Variants in CAMKMT observed in about 807,000 individuals in gnomAD.
The protein encoded by CAMKMT is calmodulin-lysine N-methyltransferase.
A neutral mutation model predicts 48.0 loss-of-function variants in CAMKMT; 53 were observed. That is an observed-to-expected ratio of 1.10 (90% CI 0.89 to 1.39). The LOEUF is 1.39. CAMKMT is among the 40% of genes most tolerant of loss of function. The pLI is 0.00. For synonymous variants in CAMKMT, 165 were observed against 152.3 expected, an observed-to-expected ratio of 1.08 and a Z score of -0.61; for missense variants, 428 against 402.7, an observed-to-expected ratio of 1.06 and a Z score of -0.54.
intron 3 of CAMKMT, among the ~76,000 whole-genome samples, chr2:44,480,996 AT>A (rs1668939480): frequency 6.6e-6 from 1 of 151,884 alleles, no homozygotes; most frequent in African/African-American, 2.4e-5. Context: ...TCTATCATCC[AT>A]ATTATGTGTG....
At chr2:44,706,409 C>T in intron 5 of CAMKMT, 68 bp downstream of exon 5, 1 of 1,495,416 alleles carries the variant, frequency 6.7e-7, no homozygotes, top group Non-Finnish European at 9.3e-7. Flanking sequence ...CCAGGGCCTC[C>T]AACTGCTGGG....
intron 3 of CAMKMT, among the ~76,000 whole-genome samples, chr2:44,507,404 G>A (rs954484129): frequency 2.2e-4 from 33 of 152,172 alleles, no homozygotes; most frequent in African/African-American, 7.7e-4. Context: ...TGTGCATCAT[G>A]GAACACATCA....
At chr2:44,568,315 C>T (rs1188148793) in intron 3 of CAMKMT, among the ~76,000 whole-genome samples, 1 of 152,174 alleles carries the variant, frequency 6.6e-6, no homozygotes, top group Non-Finnish European at 1.5e-5. Context: ...TGTGTTGTGT[C>T]TTTTGCCTTA....
At chr2:44,622,115 G>C (rs1438549346) in intron 3 of CAMKMT, among the ~76,000 whole-genome samples, 2 of 152,150 alleles carry the variant, frequency 1.3e-5, no homozygotes, top group East Asian at 3.9e-4. Context: ...CAATCTCCAG[G>C]CACCCAAAGG....
At chr2:44,412,702 C>G (rs909698867) in intron 3 of CAMKMT, among the ~76,000 whole-genome samples, 17 of 152,020 alleles carry the variant, frequency 1.1e-4, no homozygotes, top group Middle Eastern at 3.2e-3. Context: ...TATTTTGACA[C>G]TGAATAAGTA....
Position 44,361,969 on chromosome 2 carries a change from G to C in CAMKMT, c.-39G>C, listed in dbSNP as rs1250263540. 1 of 1,362,962 alleles carries C rather than the reference G, an allele frequency of 7.3e-7. No individual in the cohort carries two copies. The highest frequency in any genetic ancestry group is 9.4e-7 in the Non-Finnish European group (1 of 1,062,408). 84.4% of individuals were successfully genotyped at this position (1,362,962 alleles called of 1,614,324 possible). ...GGCAGGTCCTGGCAGGGGACGAGCT[G>C]CGGCGGTGGCACCTCCGGGTGTGGA... On this transcript the variant is annotated 5_prime_UTR_variant, in exon 1 of 11. Coordinates refer to ENST00000378494, the MANE Select transcript of CAMKMT (RefSeq NM_024766.5).
intron 2 of CAMKMT, among the ~76,000 whole-genome samples, chr2:44,389,282 A>C (rs1428748157): frequency 6.6e-6 from 1 of 152,022 alleles, no homozygotes; most frequent in Non-Finnish European, 1.5e-5. Context: ...CCCTATTTTA[A>C]CTAAATTACC....
At chr2:44,573,209 G>T (rs558295137) in intron 3 of CAMKMT, among the ~76,000 whole-genome samples, 3 of 152,118 alleles carry the variant, frequency 2.0e-5, no homozygotes, top group Non-Finnish European at 4.4e-5. Context: ...CTTTTCATGT[G>T]CTGTTTGGCC....
intron 7 of CAMKMT, among the ~76,000 whole-genome samples, chr2:44,733,691 A>G (rs949999410): frequency 6.6e-6 from 1 of 152,080 alleles, no homozygotes; most frequent in African/African-American, 2.4e-5. Context: ...CTTTATTGAG[A>G]TGATCATATG....
intron 3 of CAMKMT, among the ~76,000 whole-genome samples, chr2:44,680,864 A>G (rs978205991): frequency 6.6e-6 from 1 of 152,188 alleles, no homozygotes; most frequent in African/African-American, 2.4e-5. Flanking sequence ...GGTAAAAAGT[A>G]TGCGCCACTA....
At chr2:44,557,709 T>A (rs1427879805) in intron 3 of CAMKMT, among the ~76,000 whole-genome samples, 1 of 152,232 alleles carries the variant, frequency 6.6e-6, no homozygotes, top group East Asian at 1.9e-4. Context: ...TATTTCTGAG[T>A]CCTTGTCCAT....
chr2:44,481,350 G>A (rs1668954989), intron 3 of CAMKMT, among the ~76,000 whole-genome samples: 1 of 151,572 alleles, frequency 6.6e-6, no homozygotes, highest in Admixed American at 6.6e-5. Context: ...TTTTGTCCTT[G>A]CTGTTGTTTT....
intron 3 of CAMKMT, among the ~76,000 whole-genome samples, chr2:44,680,518 T>A (rs13423477): frequency 1.6e-4 from 24 of 152,088 alleles, no homozygotes; most frequent in African/African-American, 4.8e-4. Context: ...GCCGGCCAGC[T>A]CAGCCTGGGT....
At chr2:44,550,515 A>G (rs181302960) in intron 3 of CAMKMT, 103 of 152,354 alleles carry the variant, frequency 6.8e-4, no homozygotes, top group African/African-American at 2.4e-3. Flanking sequence ...AATCAATTTA[A>G]TTTCTACTAG....
intron 3 of CAMKMT, among the ~76,000 whole-genome samples, chr2:44,451,898 A>G (rs531865805): frequency 6.6e-6 from 1 of 152,000 alleles, no homozygotes; most frequent in African/African-American, 2.4e-5. Flanking sequence ...GCCAATAGCC[A>G]AAAACCTTAT....
Position 44,759,550 on chromosome 2 carries a change from G to A in CAMKMT, c.762+5432G>A, listed in dbSNP as rs1220288724. Among the ~76,000 whole-genome samples, 7 of 152,142 alleles carry A rather than the reference G, an allele frequency of 4.6e-5. No homozygotes were observed. The South Asian group carries it at 8.3e-4, about 18-fold the overall frequency. ...GCCTTGTGTATGTGGGATCAGTACC[G>A]TGAACTGAAATGGTGCTGAGACACT... On this transcript the variant is annotated intron_variant, in intron 9 of 10. Coordinates refer to ENST00000378494, the MANE Select transcript of CAMKMT (RefSeq NM_024766.5).
At chr2:44,458,015 T>C (rs1190108163) in intron 3 of CAMKMT, among the ~76,000 whole-genome samples, 1 of 151,056 alleles carries the variant, frequency 6.6e-6, no homozygotes, top group Non-Finnish European at 1.5e-5. Flanking sequence ...GACACAGATC[T>C]AGCATTAGGA....
intron 3 of CAMKMT, among the ~76,000 whole-genome samples, chr2:44,649,856 A>G (rs1255886890): frequency 6.6e-6 from 1 of 152,076 alleles, no homozygotes. Flanking sequence ...TTGTAATTTT[A>G]TCAGGAAGGA....
intron 3 of CAMKMT, among the ~76,000 whole-genome samples, chr2:44,409,787 A>G (rs1683063904): frequency 6.6e-6 from 1 of 152,160 alleles, no homozygotes; most frequent in Admixed American, 6.5e-5. Flanking sequence ...TTTAATTGTC[A>G]AAATGCAGAG....
Sources: allele counts gnomAD v4.1 joint callset (sites outside exome capture counted in the v4.1 genomes callset), GRCh38; gene constraint gnomAD v4.1.1; transcripts MANE v1.5; gene names NCBI Gene and HGNC (gene_info 2026-07-23, HGNC 2026-07-21).